The following PTPRN2 variants were observed in gnomAD, a reference collection of about 807,000 sequenced individuals.
The protein encoded by PTPRN2 is receptor-type tyrosine-protein phosphatase N2.
In PTPRN2, 74 loss-of-function variants were observed where a neutral mutation model predicts 118.8. That is an observed-to-expected ratio of 0.62 (90% CI 0.52 to 0.76). The LOEUF is 0.76. Ranked by LOEUF, PTPRN2 falls within the 30% of genes least tolerant of loss-of-function variation. The pLI is 0.00. For synonymous variants in PTPRN2, 641 were observed against 608.0 expected (o/e 1.05, Z -0.80); for missense variants, 1,481 against 1,394.4 (o/e 1.06, Z -0.99).
At chr7:158,285,052 G>A (rs1048804833) in intron 3 of PTPRN2, among the ~76,000 whole-genome samples, 2 of 152,192 alleles carry the variant, frequency 1.3e-5, no homozygotes, top group East Asian at 1.9e-4. Context: ...GTAATTCCCT[G>A]GGAGCTTTTG....
chr7:158,365,836 G>GCACGCA lies in PTPRN2; in HGVS notation c.164-48905_164-48904insTGCGTG, dbSNP rs1554480255. On this transcript the variant is annotated intron_variant, in intron 2 of 22. Transcript: ENST00000389418. ...AGAAGCCGCAGACCAGTGCATGCGTGCACACACACACACCCACACACACAC... is the reference window on the plus strand; with the variant it reads ...AGAAGCCGCAGACCAGTGCATGCGTGCACGCACACACACACACACCCACACACACAC... Among the ~76,000 whole-genome samples the GCACGCA allele has an allele frequency of 1.4e-4, 2 of 14,740 alleles. 1 individual carries two copies. Among genetic ancestry groups the GCACGCA allele is most frequent in the African/African-American group, 1.9e-4 (2 of 10,528 alleles). 9.7% of individuals were successfully genotyped at this position (14,740 alleles called of 152,430 possible). A position where few individuals can be genotyped will look rare whatever the true frequency, so the allele number is the denominator to read the frequency against.
chr7:157,576,563 G>A (rs1800053424), intron 19 of PTPRN2, 50 bp downstream of exon 19: 1 of 1,529,374 alleles, frequency 6.5e-7, no homozygotes, highest in African/African-American at 1.4e-5. Context: ...TCGCTCCCCT[G>A]TGCCGCGCGC....
chr7:157,655,544 T>C (rs576557084), intron 14 of PTPRN2, among the ~76,000 whole-genome samples: 3 of 152,354 alleles, frequency 2.0e-5, no homozygotes, highest in Non-Finnish European at 2.9e-5. Flanking sequence ...GGGAACTTAA[T>C]GGTACGGCGA....
chr7:157,703,596 G>A (rs1798185857), intron 12 of PTPRN2, among the ~76,000 whole-genome samples: 1 of 150,496 alleles, frequency 6.6e-6, no homozygotes. Flanking sequence ...AGAACCAGAT[G>A]GGAACACCCA....
chr7:157,720,200 C>G (rs554344528), intron 12 of PTPRN2, among the ~76,000 whole-genome samples: 2 of 152,146 alleles, frequency 1.3e-5, no homozygotes, highest in Non-Finnish European at 2.9e-5. Context: ...GCAGTGTTAG[C>G]GAGAGACGCT....
chr7:158,052,404 G>C (rs1330841076), intron 11 of PTPRN2, among the ~76,000 whole-genome samples: 1 of 152,216 alleles, frequency 6.6e-6, no homozygotes, highest in Non-Finnish European at 1.5e-5. Flanking sequence ...CTGGTTCTGT[G>C]GGTTATTGGG....
intron 1 of PTPRN2, among the ~76,000 whole-genome samples, chr7:158,508,488 T>A (rs1822935144): frequency 6.6e-6 from 1 of 152,002 alleles, no homozygotes; most frequent in African/African-American, 2.4e-5. Context: ...GGTGTGGCCG[T>A]GACTCAGCAA....
intron 11 of PTPRN2, among the ~76,000 whole-genome samples, chr7:157,975,535 G>A (rs376744826): frequency 4.6e-5 from 7 of 152,198 alleles, no homozygotes; most frequent in East Asian, 1.9e-4. Context: ...ACGAGGAGAC[G>A]TGCTTCATTC....
intron 2 of PTPRN2, among the ~76,000 whole-genome samples, chr7:158,402,352 C>T (rs1311456933): frequency 6.6e-6 from 1 of 152,064 alleles, no homozygotes. Flanking sequence ...CATTCCAGCT[C>T]GCAAATGAGC....
intron 9 of PTPRN2, among the ~76,000 whole-genome samples, chr7:158,132,451 CAT>C (rs1391902021): frequency 4.3e-5 from 4 of 93,070 alleles, no homozygotes; most frequent in African/African-American, 1.5e-4. Flanking sequence ...TATGCACAAA[CAT>C]ATCGACACAA....
intron 14 of PTPRN2, among the ~76,000 whole-genome samples, chr7:157,631,746 G>T (rs1052577009): frequency 2.0e-5 from 3 of 151,998 alleles, no homozygotes; most frequent in African/African-American, 7.3e-5. Context: ...GCAGGAGAAC[G>T]GCGTGAACCC....
chr7:157,664,231 T>C (rs980242847), intron 13 of PTPRN2, among the ~76,000 whole-genome samples: 5 of 152,260 alleles, frequency 3.3e-5, no homozygotes, highest in African/African-American at 1.2e-4. Context: ...GCTGAGGCGA[T>C]GACTGAATGG....
rs1491225034 is a variant in PTPRN2 at position 157,583,934 on chromosome 7, A to ACACACT, written c.2497-5795_2497-5794insAGTGTG. Among the ~76,000 whole-genome samples, 26 of 136,200 alleles carry ACACACT rather than the reference A, an allele frequency of 1.9e-4. No individual in the cohort carries two copies. Among genetic ancestry groups the ACACACT allele is most frequent in the African/African-American group, 2.8e-4 (10 of 35,498 alleles). 89.4% of individuals were successfully genotyped at this position (136,200 alleles called of 152,430 possible). A position where few individuals can be genotyped will look rare whatever the true frequency, so the allele number is the denominator to read the frequency against. On this transcript the variant is annotated intron_variant, in intron 17 of 22. Transcript: ENST00000389418. This position sits in a 1 kb window ranked among gnomAD's most constrained non-coding sequence, Gnocchi z 5.5. Reference sequence around the variant, plus strand: ...CACACACACACACACACACACACACACTCTTAAAATAAGCTCTCCTGAAGC... The same window carrying ACACACT: ...CACACACACACACACACACACACACACACACTCTCTTAAAATAAGCTCTCCTGAAGC...
At chr7:157,714,153 C>T (rs556912936) in intron 12 of PTPRN2, among the ~76,000 whole-genome samples, 1 of 152,210 alleles carries the variant, frequency 6.6e-6, no homozygotes, top group East Asian at 1.9e-4. Flanking sequence ...TCTGCAGAGA[C>T]GTCTCACAGG....
chr7:158,407,203 CCTGG>C lies in PTPRN2; in HGVS notation c.163+82528_163+82531del, dbSNP rs1563254530. Among the ~76,000 whole-genome samples the C allele has an allele frequency of 1.5e-3, 48 of 32,380 alleles. 4 individuals carry two copies. Among genetic ancestry groups the C allele is most frequent in the African/African-American group, 3.9e-3 (44 of 11,308 alleles). The allele number at this position is 32,380 out of a possible 152,430, so 21.2% of individuals were successfully genotyped here. On this transcript the variant is annotated intron_variant, in intron 2 of 22. Coordinates refer to ENST00000389418, the MANE Select transcript of PTPRN2 (RefSeq NM_002847.5). ...GCGTCCTGGGTCCTGGGTCCTGGGT[CCTGG>C]GTCCTGCGTCCTGCGTCCTGGGTCC...
chr7:157,559,611 G>A (rs181393033), intron 21 of PTPRN2, among the ~76,000 whole-genome samples: 3 of 152,292 alleles, frequency 2.0e-5, no homozygotes, highest in Admixed American at 2.0e-4. Flanking sequence ...ATGAAGGAGT[G>A]ACTGCCCGGC....
chr7:158,440,880 G>GATAGCA (rs1369635685), intron 2 of PTPRN2, among the ~76,000 whole-genome samples: 11 of 127,900 alleles, frequency 8.6e-5, no homozygotes, highest in Middle Eastern at 3.6e-3. Context: ...TATTGGTGGT[G>GATAGCA]GTGGTGAAGG....
chr7:157,551,306 T>G (rs1798584576), intron 21 of PTPRN2, among the ~76,000 whole-genome samples: 1 of 152,084 alleles, frequency 6.6e-6, no homozygotes, highest in African/African-American at 2.4e-5. Flanking sequence ...AACCCAGAAC[T>G]GTGCTGCAAT....
intron 10 of PTPRN2, among the ~76,000 whole-genome samples, chr7:158,103,858 G>A (rs967434295): frequency 5.3e-5 from 8 of 151,716 alleles, no homozygotes; most frequent in African/African-American, 1.9e-4. Flanking sequence ...CTTAGAGACA[G>A]ATTATTATTA....
Sources: allele counts gnomAD v4.1 joint callset (sites outside exome capture counted in the v4.1 genomes callset), GRCh38; gene constraint gnomAD v4.1.1; non-coding constraint Gnocchi (gnomAD v3.1); transcripts MANE v1.5; gene names NCBI Gene and HGNC (gene_info 2026-07-23, HGNC 2026-07-21).